The following CTNND2 variants were observed in gnomAD, a reference collection of about 807,000 sequenced individuals.
The protein encoded by CTNND2 is catenin delta-2.
In CTNND2, 22 loss-of-function variants were observed where a neutral mutation model predicts 144.4. The ratio of observed to expected loss-of-function variants is 0.15; its 90% CI spans 0.11 to 0.22. The LOEUF (loss-of-function observed/expected upper bound fraction) is 0.22. Ranked by LOEUF, CTNND2 falls within the 10% of genes least tolerant of loss-of-function variation. CTNND2 has a pLI of 1.00. For synonymous variants in CTNND2, 751 were observed against 695.6 expected (o/e 1.08, Z -1.25); for missense variants, 1,353 against 1,618.8 (o/e 0.84, Z 2.82).
intron 2 of CTNND2, among the ~76,000 whole-genome samples, chr5:11,591,705 G>A (rs1445801480): frequency 6.6e-6 from 1 of 151,926 alleles, no homozygotes; most frequent in Non-Finnish European, 1.5e-5. Flanking sequence ...TCACCTGGGG[G>A]TAATTTTATT....
chr5:11,801,969 T>C (rs990738399), intron 1 of CTNND2, among the ~76,000 whole-genome samples: 1 of 151,328 alleles, frequency 6.6e-6, no homozygotes, highest in Non-Finnish European at 1.5e-5. Context: ...CAGGCTCGAG[T>C]GTGTATCTAT....
At chr5:11,471,884 TA>T (rs756413672) in intron 3 of CTNND2, among the ~76,000 whole-genome samples, 7 of 152,228 alleles carry the variant, frequency 4.6e-5, no homozygotes, top group Non-Finnish European at 1.0e-4. Context: ...TTGGTACTTT[TA>T]AAATATTACT....
At chr5:11,390,575 A>C (rs922269446) in intron 6 of CTNND2, among the ~76,000 whole-genome samples, 8 of 152,230 alleles carry the variant, frequency 5.3e-5, no homozygotes, top group African/African-American at 1.4e-4. Context: ...CATTTTATAA[A>C]GCAGGCTCAT....
intron 3 of CTNND2, among the ~76,000 whole-genome samples, chr5:11,431,828 A>C (rs1002388521): frequency 2.0e-5 from 3 of 152,154 alleles, no homozygotes; most frequent in Non-Finnish European, 4.4e-5. Context: ...TGGTGTTGTT[A>C]AAGCGGCTAA....
At chr5:11,021,586 C>A (rs1742262062) in intron 17 of CTNND2, among the ~76,000 whole-genome samples, 1 of 152,140 alleles carries the variant, frequency 6.6e-6, no homozygotes. Flanking sequence ...TCCAGTGGGG[C>A]TTTTCTACTT....
intron 1 of CTNND2, among the ~76,000 whole-genome samples, chr5:11,812,677 T>C (rs997876486): frequency 6.6e-6 from 1 of 152,132 alleles, no homozygotes; most frequent in African/African-American, 2.4e-5. Context: ...CGTTTGATGA[T>C]TAAAGAAAAA....
At chr5:11,307,728 A>G (rs1214850901) in intron 9 of CTNND2, among the ~76,000 whole-genome samples, 2 of 152,182 alleles carry the variant, frequency 1.3e-5, no homozygotes, top group African/African-American at 4.8e-5. Context: ...ATTACTTTTA[A>G]GGGCAAACAT....
At chr5:11,851,979 G>T (rs1407040574) in intron 1 of CTNND2, among the ~76,000 whole-genome samples, 1 of 152,200 alleles carries the variant, frequency 6.6e-6, no homozygotes, top group African/African-American at 2.4e-5. Context: ...CCTCAAGTCA[G>T]CTACAAGCTT....
intron 3 of CTNND2, among the ~76,000 whole-genome samples, chr5:11,531,263 C>T (rs1036612906): frequency 6.6e-6 from 1 of 151,978 alleles, no homozygotes; most frequent in Non-Finnish European, 1.5e-5. Flanking sequence ...AATAAAGGAC[C>T]CTACACAGGT....
In CTNND2 at chr5:11,844,213, G is replaced by A. The variant is rs77383190; in HGVS notation, c.37+59604C>T. 6.1e-3 allele frequency among the ~76,000 whole-genome samples: 924 copies of A among 152,220 alleles called. 7 individuals carry two copies. The highest frequency in any genetic ancestry group is 0.021 in the African/African-American group (864 of 41,538). On this transcript the variant is annotated intron_variant, in intron 1 of 21. Coordinates refer to ENST00000304623, the MANE Select transcript of CTNND2 (RefSeq NM_001332.4). ...GCATATTTATTTTAATAAAATAGGT[G>A]TTACTTAGGGATGAACATCTTTACA...
chr5:11,699,143 T>C (rs1785291166), intron 2 of CTNND2, among the ~76,000 whole-genome samples: 1 of 152,106 alleles, frequency 6.6e-6, no homozygotes, highest in South Asian at 2.1e-4. Context: ...TTCTATCGAA[T>C]GAGTAGCTGT....
chr5:11,117,877 A>G (rs1753728278), intron 12 of CTNND2, among the ~76,000 whole-genome samples: 1 of 152,226 alleles, frequency 6.6e-6, no homozygotes, highest in Non-Finnish European at 1.5e-5. Flanking sequence ...TACTCCATGT[A>G]CAATCAGAAG....
At chr5:11,343,391 C>T (rs186232584) in intron 9 of CTNND2, among the ~76,000 whole-genome samples, 15 of 152,064 alleles carry the variant, frequency 9.9e-5, no homozygotes, top group Non-Finnish European at 1.0e-4. Context: ...AGGTAGATGC[C>T]GGAAATGAAA....
chr5:11,609,724 T>C (rs971456143), intron 2 of CTNND2, among the ~76,000 whole-genome samples: 3 of 152,156 alleles, frequency 2.0e-5, no homozygotes, highest in Admixed American at 2.0e-4. Flanking sequence ...GCTCCAGCCC[T>C]GGGAGGATGT....
chr5:10,998,431 G>A (rs527366852), intron 18 of CTNND2, among the ~76,000 whole-genome samples: 43 of 152,144 alleles, frequency 2.8e-4, no homozygotes, highest in Non-Finnish European at 5.7e-4. Flanking sequence ...GAAGCCCCAG[G>A]AGGAACAGAA....
intron 10 of CTNND2, among the ~76,000 whole-genome samples, chr5:11,216,087 T>A (rs1467898879): frequency 6.6e-6 from 1 of 152,156 alleles, no homozygotes; most frequent in Admixed American, 6.5e-5. Flanking sequence ...CTGAATCTTA[T>A]CTGAAGGAAG....
intron 16 of CTNND2, among the ~76,000 whole-genome samples, chr5:11,045,960 G>A (rs575087860): frequency 6.6e-6 from 1 of 152,232 alleles, no homozygotes; most frequent in African/African-American, 2.4e-5. Flanking sequence ...GTTTTAACCA[G>A]AAATATTAAG....
chr5:11,698,282 A>G (rs1271713960), intron 2 of CTNND2, among the ~76,000 whole-genome samples: 2 of 141,918 alleles, frequency 1.4e-5, no homozygotes, highest in African/African-American at 2.9e-5. Context: ...AAAGCAACAC[A>G]TTATTATTTT....
intron 3 of CTNND2, among the ~76,000 whole-genome samples, chr5:11,458,142 A>C (rs561499844): frequency 1.2e-4 from 19 of 152,312 alleles, no homozygotes; most frequent in Non-Finnish European, 2.2e-4. Context: ...TAAGTCGTTC[A>C]ACTCCTCACC....
Sources: allele counts gnomAD v4.1 joint callset (sites outside exome capture counted in the v4.1 genomes callset), GRCh38; gene constraint gnomAD v4.1.1; transcripts MANE v1.5; gene names NCBI Gene and HGNC (gene_info 2026-07-23, HGNC 2026-07-21).